The following GALNT13 variants were observed in gnomAD, a reference collection of about 807,000 sequenced individuals.
GALNT13 encodes UDP-GalNAc:polypeptide N-acetylgalactosaminyltransferase 13.
A neutral mutation model predicts 64.2 loss-of-function variants in GALNT13; 28 were observed. The ratio of observed to expected loss-of-function variants is 0.44; its 90% CI spans 0.32 to 0.60. The LOEUF (loss-of-function observed/expected upper bound fraction) is 0.60. Among genes scored for constraint, GALNT13 ranks in the 20% least tolerant of loss-of-function variants. The pLI is 0.05. For missense variants in GALNT13, 577 were observed against 669.8 expected, an observed-to-expected ratio of 0.86 and a Z score of 1.53; for synonymous variants, 214 against 224.6, an observed-to-expected ratio of 0.95 and a Z score of 0.42.
chr2:153,348,409 G>C, the GALNT13 span, among the ~76,000 whole-genome samples: 4 of 152,084 alleles, frequency 2.6e-5, no homozygotes, highest in African/African-American at 9.7e-5. Flanking sequence ...GAATTCTAAG[G>C]TATACTTTGT....
rs1440394212 is a variant in GALNT13 at position 153,948,688 on chromosome 2, G to C, written c.142+4049G>C. On this transcript the variant is annotated intron_variant, in intron 3 of 12. Transcript: ENST00000392825. ...TACTATGCGCCATAAAAAAGAATGAGATCATGTCCTTTGCAGGGACGTGGA... is the reference window on the plus strand; with the variant it reads ...TACTATGCGCCATAAAAAAGAATGACATCATGTCCTTTGCAGGGACGTGGA... Among the ~76,000 whole-genome samples, 36 of 152,086 alleles carry C rather than the reference G, an allele frequency of 2.4e-4. 1 individual carries two copies. Among genetic ancestry groups the C allele is most frequent in the Non-Finnish European group, 4.4e-5 (3 of 68,010 alleles).
At chr2:153,328,990 C>T in the GALNT13 span, among the ~76,000 whole-genome samples, 2 of 152,074 alleles carry the variant, frequency 1.3e-5, no homozygotes, top group African/African-American at 4.8e-5. Context: ...GTGGGAAAAG[C>T]GTAGTATCTG....
the GALNT13 span, among the ~76,000 whole-genome samples, chr2:153,258,004 G>C: frequency 5.3e-5 from 8 of 152,096 alleles, no homozygotes; most frequent in South Asian, 1.7e-3. Context: ...AGGCCCAGGA[G>C]CCCCAAATTA....
chr2:153,902,383 A>T (rs1688295724), intron 2 of GALNT13, among the ~76,000 whole-genome samples: 1 of 152,148 alleles, frequency 6.6e-6, no homozygotes, highest in Admixed American at 6.6e-5. Flanking sequence ...TTAATAGTCC[A>T]TGCTCCTAAA....
At chr2:153,094,523 A>C in the GALNT13 span, among the ~76,000 whole-genome samples, 1 of 152,210 alleles carries the variant, frequency 6.6e-6, no homozygotes, top group Non-Finnish European at 1.5e-5. Flanking sequence ...TCTTCACAGA[A>C]TTGGAAAAAA....
At chr2:153,967,555 C>T (rs1010078111) in intron 3 of GALNT13, among the ~76,000 whole-genome samples, 19 of 152,068 alleles carry the variant, frequency 1.2e-4, no homozygotes, top group Admixed American at 9.8e-4. Flanking sequence ...CTAGGCAAAG[C>T]CTCTTGTTTT....
chr2:153,568,981 A>G, the GALNT13 span, among the ~76,000 whole-genome samples: 1 of 152,174 alleles, frequency 6.6e-6, no homozygotes, highest in African/African-American at 2.4e-5. Flanking sequence ...GTCATATTTC[A>G]TTTGGTATAT....
chr2:153,571,676 A>G, the GALNT13 span, among the ~76,000 whole-genome samples: 39 of 152,138 alleles, frequency 2.6e-4, no homozygotes, highest in African/African-American at 9.4e-4. Flanking sequence ...AATTTTATCA[A>G]ATGCTCTTTC....
chr2:153,806,829 G>A, the GALNT13 span, among the ~76,000 whole-genome samples: 1 of 152,096 alleles, frequency 6.6e-6, no homozygotes, highest in Non-Finnish European at 1.5e-5. Flanking sequence ...AAGGGAACCT[G>A]TAGATGAAAG....
chr2:154,310,585 T>C (rs933889532), intron 9 of GALNT13, among the ~76,000 whole-genome samples: 1 of 152,188 alleles, frequency 6.6e-6, no homozygotes, highest in African/African-American at 2.4e-5. Context: ...TCAAAACTTA[T>C]TTAATCATGC....
chr2:153,916,015 C>A (rs1021419122), intron 2 of GALNT13, among the ~76,000 whole-genome samples: 2 of 152,054 alleles, frequency 1.3e-5, no homozygotes, highest in African/African-American at 4.8e-5. Flanking sequence ...ATTTAGTAAG[C>A]TCTTAGTGGT....
the GALNT13 span, among the ~76,000 whole-genome samples, chr2:153,504,441 T>C: frequency 6.6e-6 from 1 of 152,172 alleles, no homozygotes; most frequent in Admixed American, 6.5e-5. Context: ...GCGGTGAAAG[T>C]GGGCATTTTT....
chr2:153,900,271 C>G (rs1405307377), intron 1 of GALNT13, among the ~76,000 whole-genome samples: 1 of 152,078 alleles, frequency 6.6e-6, no homozygotes, highest in East Asian at 1.9e-4. Flanking sequence ...AATCAATATG[C>G]TCTTTCAAAA....
Position 154,301,875 on chromosome 2 carries a change from G to A in GALNT13, c.1156+286G>A, listed in dbSNP as rs1031392519. On this transcript the variant is annotated intron_variant, in intron 9 of 12. Coordinates refer to ENST00000392825, the MANE Select transcript of GALNT13 (RefSeq NM_052917.4). Reference sequence around the variant, plus strand: ...AGAGATCTATATTTATTATTAACTCGAATTAAGAATATTTTTAAAAATATT... The same window carrying A: ...AGAGATCTATATTTATTATTAACTCAAATTAAGAATATTTTTAAAAATATT... Among the ~76,000 whole-genome samples, 6 of 151,378 alleles carry A rather than the reference G, an allele frequency of 4.0e-5. No individual in the cohort carries two copies. The East Asian group carries it at 7.7e-4, about 20-fold the overall frequency.
chr2:153,314,142 A>G, the GALNT13 span, among the ~76,000 whole-genome samples: 2 of 152,194 alleles, frequency 1.3e-5, no homozygotes, highest in South Asian at 2.1e-4. Context: ...TACTGAAATA[A>G]CCTGATAATT....
chr2:154,182,345 C>T (rs1686005327), intron 4 of GALNT13, among the ~76,000 whole-genome samples: 1 of 152,074 alleles, frequency 6.6e-6, no homozygotes, highest in African/African-American at 2.4e-5. Flanking sequence ...TTTGTGTGCG[C>T]ATTTGGTAAA....
chr2:153,308,962 G>A, the GALNT13 span, among the ~76,000 whole-genome samples: 1,334 of 152,150 alleles, frequency 8.8e-3, 21 homozygotes, highest in African/African-American at 0.03. Context: ...TATTTAATAT[G>A]TTTGAGGCTT....
the GALNT13 span, among the ~76,000 whole-genome samples, chr2:153,546,593 A>T: frequency 6.6e-6 from 1 of 152,206 alleles, no homozygotes; most frequent in African/African-American, 2.4e-5. Flanking sequence ...ACTTCACCTC[A>T]TTATCTACTT....
rs556644865 is a variant in GALNT13 at position 154,258,851 on chromosome 2, G to GA, written c.858-163dup. On this transcript the variant is annotated intron_variant, in intron 7 of 12. Transcript: ENST00000392825. ...CTAATATGAGTTTTAAAGAAAATGT[G>GA]AAAAAAATGCTATTTCTTAATTTTA... 7.5e-4 allele frequency among the ~76,000 whole-genome samples: 113 copies of GA among 151,112 alleles called. 2 individuals are homozygous for GA. The East Asian group carries it at 0.018, about 24-fold the overall frequency.
Sources: allele counts gnomAD v4.1 joint callset (sites outside exome capture counted in the v4.1 genomes callset), GRCh38; gene constraint gnomAD v4.1.1; transcripts MANE v1.5; gene names NCBI Gene and HGNC (gene_info 2026-07-23, HGNC 2026-07-21).